Variants in WDR41 observed in about 807,000 individuals in gnomAD.
The protein encoded by WDR41 is WD repeat-containing protein 41.
A neutral mutation model predicts 69.3 loss-of-function variants in WDR41; 63 were observed. That is an observed-to-expected ratio of 0.91 (90% CI 0.74 to 1.12). The LOEUF (loss-of-function observed/expected upper bound fraction) is 1.12, where lower values mean the gene tolerates loss of function less well. Ranked by LOEUF, WDR41 falls within the 50% of genes most tolerant of loss-of-function variation. WDR41 has a pLI of 0.00. For synonymous variants in WDR41, 185 were observed against 192.1 expected, an observed-to-expected ratio of 0.96 and a Z score of 0.31; for missense variants, 543 against 534.5, an observed-to-expected ratio of 1.02 and a Z score of -0.16.
At chr5:77,577,134 C>T (rs1025436595) in intron 1 of WDR41, among the ~76,000 whole-genome samples, 3 of 152,056 alleles carry the variant, frequency 2.0e-5, no homozygotes, top group African/African-American at 7.2e-5. Context: ...CTTTCATATT[C>T]TCAGGGAAAA....
chr5:77,607,858 T>C (rs1214231729), intron 1 of WDR41, among the ~76,000 whole-genome samples: 2 of 152,264 alleles, frequency 1.3e-5, no homozygotes, highest in East Asian at 3.8e-4. Flanking sequence ...TGCCTATATT[T>C]ATATTCTCTA....
chr5:77,432,555 G>A lies in WDR41; in HGVS notation c.*580C>T, dbSNP rs1798765452. On this transcript the variant is annotated 3_prime_UTR_variant, in exon 13 of 13. Transcript: ENST00000296679. Reference sequence around the variant, plus strand: ...TGGGAAAAACACACCCTCACAAGATGCCTATCCATTTGAGTTCATACAGGT... The same window carrying A: ...TGGGAAAAACACACCCTCACAAGATACCTATCCATTTGAGTTCATACAGGT... 6.6e-6 allele frequency: 1 copy of A among 152,220 alleles called. No individual in the cohort carries two copies. Among genetic ancestry groups the A allele is most frequent in the Non-Finnish European group, 1.5e-5 (1 of 68,046 alleles). 9.4% of individuals were successfully genotyped at this position (152,220 alleles called of 1,614,324 possible).
chr5:77,462,866 G>C (rs1216178469), intron 4 of WDR41, among the ~76,000 whole-genome samples: 1 of 152,170 alleles, frequency 6.6e-6, no homozygotes, highest in East Asian at 1.9e-4. Flanking sequence ...ACTCTGGAAA[G>C]AACAGCAATA....
At chr5:77,612,926 G>C (rs1432202426) in intron 1 of WDR41, among the ~76,000 whole-genome samples, 2 of 152,006 alleles carry the variant, frequency 1.3e-5, no homozygotes, top group African/African-American at 4.8e-5. Context: ...TCCTTTAGCT[G>C]ATAAGCAACT....
chr5:77,605,735 C>T (rs1168573194), intron 1 of WDR41, among the ~76,000 whole-genome samples: 2 of 152,030 alleles, frequency 1.3e-5, no homozygotes, highest in Non-Finnish European at 2.9e-5. Context: ...TGGTTCCTGC[C>T]CATTTTCTAA....
chr5:77,608,998 T>C (rs1744485113), intron 1 of WDR41, among the ~76,000 whole-genome samples: 1 of 151,994 alleles, frequency 6.6e-6, no homozygotes, highest in Admixed American at 6.5e-5. Context: ...CACCGGGAGA[T>C]TATATCCCGC....
intron 9 of WDR41, 74 bp from the exon 10 acceptor site, chr5:77,438,435 A>G (rs33205): frequency 0.093 from 145,272 of 1,568,392 alleles, 9,576 homozygotes; most frequent in African/African-American, 0.25. Flanking sequence ...TCCAGCCCTC[A>G]TGTGACATCA....
intron 12 of WDR41, among the ~76,000 whole-genome samples, chr5:77,434,527 A>T (rs1388273029): frequency 6.6e-6 from 1 of 151,924 alleles, no homozygotes; most frequent in Non-Finnish European, 1.5e-5. Flanking sequence ...CAACATGGTG[A>T]CACCCCATCT....
chr5:77,535,126 T>A (rs538056725), intron 1 of WDR41, among the ~76,000 whole-genome samples: 122 of 152,282 alleles, frequency 8.0e-4, no homozygotes, highest in African/African-American at 2.8e-3. Context: ...GTCATTTCTA[T>A]CTTGCTGAGT....
chr5:77,474,839 C>G (rs461704), intron 2 of WDR41, among the ~76,000 whole-genome samples: 82,720 of 152,044 alleles, frequency 0.54, 23,170 homozygotes, highest in African/African-American at 0.67. Context: ...GGAACAGCTC[C>G]GGTCTACAGC....
chr5:77,606,120 C>T (rs1033017990), intron 1 of WDR41, among the ~76,000 whole-genome samples: 10 of 152,176 alleles, frequency 6.6e-5, no homozygotes, highest in Non-Finnish European at 1.3e-4. Context: ...TCCCTCTTTA[C>T]AACTACCCTT....
At chr5:77,594,332 T>A (rs1257868894) in intron 1 of WDR41, among the ~76,000 whole-genome samples, 1 of 151,130 alleles carries the variant, frequency 6.6e-6, no homozygotes, top group African/African-American at 2.4e-5. Flanking sequence ...AGTTAATGGG[T>A]GCAGCACACC....
At chr5:77,487,964 C>A (rs141453745) in intron 2 of WDR41, among the ~76,000 whole-genome samples, 1 of 152,212 alleles carries the variant, frequency 6.6e-6, no homozygotes, top group African/African-American at 2.4e-5. Context: ...GACATGGAAG[C>A]TTTGCATGTG....
At position 77,433,345 on chromosome 5, in the gene WDR41, ACCACATT is replaced by A. The variant is rs567633484; in HGVS notation, c.1228-65_1228-59del. 4.6e-4 allele frequency: 701 copies of A among 1,515,186 alleles called. 11 individuals carry two copies. The Middle Eastern group carries it at 8.8e-3, about 19-fold the overall frequency. 93.9% of individuals were successfully genotyped at this position (1,515,186 alleles called of 1,614,324 possible). On this transcript the variant is annotated intron_variant, in intron 12 of 12. Coordinates refer to ENST00000296679, the MANE Select transcript of WDR41 (RefSeq NM_018268.4). ...CCCGAAAAGCAGAGAAGTGTCTAAT[ACCACATT>A]AACACATGTGCGTGTGAGATATGTG...
rs1166420246 is a variant in WDR41, at chr5:77,467,111, G to C, written c.168-2302C>G. Among the ~76,000 whole-genome samples the C allele has an allele frequency of 2.6e-5, 4 of 151,824 alleles. No homozygotes were observed. The East Asian group carries it at 7.7e-4, about 29-fold the overall frequency. Reference sequence around the variant, plus strand: ...CAAGAATTCCTAATTGTAAGGTATAGTGTAACTGCTGAAAAGAAGTAATGA... The same window carrying C: ...CAAGAATTCCTAATTGTAAGGTATACTGTAACTGCTGAAAAGAAGTAATGA... On this transcript the variant is annotated intron_variant, in intron 2 of 12. Coordinates refer to ENST00000296679, the MANE Select transcript of WDR41 (RefSeq NM_018268.4).
At chr5:77,532,802 G>T (rs1257601758) in intron 1 of WDR41, among the ~76,000 whole-genome samples, 1 of 151,940 alleles carries the variant, frequency 6.6e-6, no homozygotes, top group Non-Finnish European at 1.5e-5. Context: ...GGTGGTAAAG[G>T]TAAAAAGAAA....
intron 1 of WDR41, among the ~76,000 whole-genome samples, chr5:77,572,095 G>C (rs1039127547): frequency 6.6e-6 from 1 of 151,816 alleles, no homozygotes; most frequent in African/African-American, 2.4e-5. Context: ...AAGGGAGTTA[G>C]GAAGATAGGC....
chr5:77,501,757 C>A lies in WDR41; in HGVS notation c.43-12185G>T, dbSNP rs527416897. ...AAGGCAAACAGGGTCTGGAGTGGACCTCCAGCAAACTCCAACAGACCTGCA... is the reference window on the plus strand; with the variant it reads ...AAGGCAAACAGGGTCTGGAGTGGACATCCAGCAAACTCCAACAGACCTGCA... On this transcript the variant is annotated intron_variant, in intron 1 of 5. Transcript: ENST00000509971. 9.9e-5 allele frequency among the ~76,000 whole-genome samples: 15 copies of A among 152,220 alleles called. No homozygotes were observed. In the South Asian group the frequency reaches 1.9e-3, roughly 19 times the overall value.
At chr5:77,564,954 C>T (rs116038848) in intron 1 of WDR41, among the ~76,000 whole-genome samples, 1 of 152,126 alleles carries the variant, frequency 6.6e-6, no homozygotes, top group Non-Finnish European at 1.5e-5. Context: ...TCTTTTCTCT[C>T]TTTAATGTGT....
Sources: allele counts gnomAD v4.1 joint callset (sites outside exome capture counted in the v4.1 genomes callset), GRCh38; gene constraint gnomAD v4.1.1; transcripts MANE v1.5; gene names NCBI Gene and HGNC (gene_info 2026-07-23, HGNC 2026-07-21).